MYB: variants seen among roughly 807,000 people sequenced by gnomAD.
MYB encodes the protein MYB proto-oncogene, transcription factor.
A neutral mutation model predicts 92.9 loss-of-function variants in MYB; 28 were observed. That is an observed-to-expected ratio of 0.30 (90% CI 0.22 to 0.41). The LOEUF (loss-of-function observed/expected upper bound fraction) is 0.41. Ranked by LOEUF, MYB falls within the 10% of genes least tolerant of loss-of-function variation. The probability of loss-of-function intolerance (pLI) is 1.00; values close to 1 mark genes in which losing one functional copy is unlikely to be tolerated. For synonymous variants in MYB, 295 were observed against 329.1 expected (o/e 0.90, Z 1.12); for missense variants, 679 against 929.3 (o/e 0.73, Z 3.50).
intron 15 of MYB, among the ~76,000 whole-genome samples, chr6:135,207,686 C>G (rs761740472): frequency 1.3e-5 from 2 of 150,920 alleles, no homozygotes; most frequent in Non-Finnish European, 2.9e-5. Flanking sequence ...GGAAAATATA[C>G]TATGTTCTAG....
At chr6:135,195,423 A>C in intron 8 of MYB, 1 of 307,636 alleles carries the variant, frequency 3.3e-6, no homozygotes, top group Non-Finnish European at 6.2e-6. Context: ...GCAAGCATTT[A>C]TGGACCTTTG....
intron 8 of MYB, chr6:135,195,352 G>GCA: frequency 1.2e-5 from 2 of 167,636 alleles, no homozygotes; most frequent in Non-Finnish European, 1.2e-5. Context: ...TAACTCCTGA[G>GCA]TCCTCTAGCT....
At chr6:135,198,236 G>A (rs1291863680) in intron 10 of MYB, among the ~76,000 whole-genome samples, 3 of 152,188 alleles carry the variant, frequency 2.0e-5, no homozygotes, top group Admixed American at 1.3e-4. Flanking sequence ...AAGCACAGGA[G>A]TTCAAGTTCA....
rs766313918 is a variant in MYB, at chr6:135,187,932, G to A, written c.213+27G>A. On this transcript the variant is annotated intron_variant, in intron 3 of 15. Coordinates refer to ENST00000341911, the MANE Select transcript of MYB (RefSeq NM_001130173.2). ...TAAGTTAGTAAGTTTTTCTTATAACGAAAGGAAAGCTTCTCCCAAAGATTT... is the reference window on the plus strand; with the variant it reads ...TAAGTTAGTAAGTTTTTCTTATAACAAAAGGAAAGCTTCTCCCAAAGATTT... 7 of 1,511,712 alleles carry A rather than the reference G, an allele frequency of 4.6e-6. No homozygotes were observed. In the East Asian group the frequency reaches 6.8e-5, roughly 15 times the overall value. 93.6% of individuals were successfully genotyped at this position (1,511,712 alleles called of 1,614,324 possible). A position where few individuals can be genotyped will look rare whatever the true frequency, so the allele number is the denominator to read the frequency against.
At chr6:135,199,734 T>C (rs1433034991) in intron 11 of MYB, among the ~76,000 whole-genome samples, 1 of 152,220 alleles carries the variant, frequency 6.6e-6, no homozygotes, top group East Asian at 1.9e-4. Flanking sequence ...TAGTATGGGC[T>C]CTGTTTTCAT....
chr6:135,195,701 C>G, intron 8 of MYB, 47 bp from the exon 9 acceptor site: 5 of 1,597,762 alleles, frequency 3.1e-6, no homozygotes, highest in Non-Finnish European at 4.3e-6. Flanking sequence ...TTCCTTCTCC[C>G]TTTCTTCTGT....
At chr6:135,196,030 CG>C (rs767369354) in intron 9 of MYB, 28 bp downstream of exon 9, 1 of 1,601,934 alleles carries the variant, frequency 6.2e-7, no homozygotes, top group East Asian at 2.2e-5. Flanking sequence ...GGGAAGTTAA[CG>C]ATTCTGGAAG....
chr6:135,204,634 C>A (rs985551229), intron 15 of MYB, among the ~76,000 whole-genome samples: 3 of 152,194 alleles, frequency 2.0e-5, no homozygotes, highest in African/African-American at 4.8e-5. Context: ...ATAAGGATTG[C>A]AAGCACATTT....
At position 135,187,910 on chromosome 6, in the gene MYB, G is replaced by GT. The variant is rs749484768; in HGVS notation, c.213+7dup. ...GTTATTGCCAATTATCTCCCGGTAA[G>GT]TTAGTAAGTTTTTCTTATAACGAAA... On this transcript the variant is annotated splice_donor_region_variant and intron_variant, in intron 3 of 15. Transcript: ENST00000341911. The GT allele has an allele frequency of 9.4e-6, 15 of 1,601,144 alleles. No homozygotes were observed. In the East Asian group the frequency reaches 3.4e-4, roughly 36 times the overall value.
At chr6:135,205,096 G>T (rs1778681838) in intron 15 of MYB, among the ~76,000 whole-genome samples, 1 of 152,070 alleles carries the variant, frequency 6.6e-6, no homozygotes, top group Non-Finnish European at 1.5e-5. Context: ...ATAATTGGGA[G>T]ATGAGGAAGA....
intron 1 of MYB, 148 bp from the exon 2 acceptor site, chr6:135,185,755 A>G (rs1775826085): frequency 1.4e-6 from 1 of 703,920 alleles, no homozygotes; most frequent in Non-Finnish European, 2.5e-6. Flanking sequence ...AACAGAATGC[A>G]GCAAACAATC....
At chr6:135,208,079 T>A (rs12210685) in intron 15 of MYB, among the ~76,000 whole-genome samples, 4 of 129,486 alleles carry the variant, frequency 3.1e-5, no homozygotes, top group Non-Finnish European at 6.3e-5. Flanking sequence ...ATTTTTTTTT[T>A]AATTTTTTTT....
rs146854537 is a variant in MYB, at chr6:135,213,164, C to T, written c.2170-4700C>T. Among the ~76,000 whole-genome samples, 456 of 152,290 alleles carry T rather than the reference C, an allele frequency of 3.0e-3. 3 individuals are homozygous for T. The highest frequency in any genetic ancestry group is 0.01 in the African/African-American group (436 of 41,554). ...TTCTCGTACATGGTGGCTACCACATCCTGGTGTTTGTCTATACTGGGAGAA... is the reference window on the plus strand; with the variant it reads ...TTCTCGTACATGGTGGCTACCACATTCTGGTGTTTGTCTATACTGGGAGAA... On this transcript the variant is annotated intron_variant, in intron 15 of 15. Coordinates refer to ENST00000341911, the MANE Select transcript of MYB (RefSeq NM_001130173.2).
At chr6:135,198,247 G>C (rs568572702) in intron 10 of MYB, among the ~76,000 whole-genome samples, 6 of 152,180 alleles carry the variant, frequency 3.9e-5, no homozygotes, top group Non-Finnish European at 7.3e-5. Context: ...TTCAAGTTCA[G>C]CCTGGTGAAC....
chr6:135,210,509 G>C (rs192186862), intron 15 of MYB, among the ~76,000 whole-genome samples: 25 of 152,304 alleles, frequency 1.6e-4, no homozygotes, highest in Admixed American at 9.2e-4. Flanking sequence ...TCGGTTCAGC[G>C]TGTTTTAGAT....
Position 135,195,876 on chromosome 6 carries a change from G to A in MYB, c.1077G>A (p.Ala359=), listed in dbSNP as rs572834651. The A allele has an allele frequency of 7.1e-5, 115 of 1,614,122 alleles. No individual in the cohort carries two copies. The Admixed American group carries it at 1.4e-3, about 19-fold the overall frequency. The part of the protein sequence containing the change: ...GEHHSTPSLP[A]DPGSLPEESA... ...ACCACTCCACTCCATCTCTGCCAGC[G>A]GATCCTGGCTCCCTACCTGAAGAAA... Residue 359 remains alanine, a synonymous_variant, in exon 9 of 16, where the codon GCG becomes GCA. Coordinates refer to ENST00000341911, the MANE Select transcript of MYB (RefSeq NM_001130173.2).
At position 135,197,319 on chromosome 6, in the gene MYB, C is replaced by A; in HGVS notation, c.1562C>A (p.Ser521Ter). 6.2e-7 allele frequency: 1 copy of A among 1,603,440 alleles called. No homozygotes were observed. The highest frequency in any genetic ancestry group is 8.5e-7 in the Non-Finnish European group (1 of 1,173,652). The stretch of plus-strand genomic sequence containing the variant: ...GTCAAAAGCCTACCCTTCTCTCCCT[C>A]GCAGGTAGAACACAATTTCTGCACA... Reference protein sequence around the residue: ...SPVKSLPFSPSQFLNTSSNHE... With the variant: ...SPVKSLPFSP Residue 521 changes from serine (S) to a stop codon, truncating the protein, a stop_gained, in exon 10 of 16, where the codon TCG becomes TAG. Transcript: ENST00000341911. LOFTEE classifies it high-confidence loss of function.
At chr6:135,194,306 C>A in intron 7 of MYB, 50 bp from the exon 8 acceptor site, 1 of 1,376,492 alleles carries the variant, frequency 7.3e-7, no homozygotes. Flanking sequence ...ATTGTATTTG[C>A]AGCTTCCAAT....
At chr6:135,186,677 T>A (rs1396997223) in intron 2 of MYB, among the ~76,000 whole-genome samples, 1 of 152,248 alleles carries the variant, frequency 6.6e-6, no homozygotes, top group Non-Finnish European at 1.5e-5. Context: ...GCCATCTATA[T>A]GAAGGTATGT....
Sources: gnomAD v4.1 joint callset for allele counts (sites outside exome capture counted in the v4.1 genomes callset) on GRCh38, gnomAD v4.1.1 for gene constraint, MANE v1.5 for transcripts, NCBI Gene and HGNC (gene_info 2026-07-23, HGNC 2026-07-21) for gene names.